The following CERK variants were observed in gnomAD, a reference collection of about 807,000 sequenced individuals.
CERK encodes the protein ceramide kinase.
In CERK, 39 loss-of-function variants were observed where a neutral mutation model predicts 63.4. The observed-to-expected ratio is 0.61, with a 90% confidence interval of 0.48 to 0.80. CERK has a LOEUF of 0.80. Ranked by LOEUF, CERK falls within the 30% of genes least tolerant of loss-of-function variation. CERK has a pLI of 0.00. For missense variants in CERK, 670 were observed against 714.1 expected (o/e 0.94, Z 0.70); for synonymous variants, 302 against 280.0 (o/e 1.08, Z -0.78).
chr22:46,727,449 C>CTTTCTTTT (rs1555989230), intron 1 of CERK, among the ~76,000 whole-genome samples: 1 of 61,824 alleles, frequency 1.6e-5, no homozygotes, highest in East Asian at 9.6e-4. Context: ...CCAGCTGTTT[C>CTTTCTTTT]TTTTTTTTTT....
At chr22:46,695,519 T>G (rs1377125632) in intron 8 of CERK, among the ~76,000 whole-genome samples, 1 of 152,252 alleles carries the variant, frequency 6.6e-6, no homozygotes, top group Admixed American at 6.5e-5. Context: ...ACAGCACGTC[T>G]AGTCATAGTG....
Position 46,691,557 on chromosome 22 carries a change from G to A in CERK, c.1332+15C>T, listed in dbSNP as rs1260905637. On this transcript the variant is annotated intron_variant, in intron 11 of 12. Transcript: ENST00000216264. ...ACTCGCCAGTGGAGGCTCCATGCAAGAGCACCCCACTTACCTGGTCCTGCT... is the reference window on the plus strand; with the variant it reads ...ACTCGCCAGTGGAGGCTCCATGCAAAAGCACCCCACTTACCTGGTCCTGCT... 6.2e-7 allele frequency: 1 copy of A among 1,608,408 alleles called. No individual in the cohort carries two copies. Among genetic ancestry groups the A allele is most frequent in the African/African-American group, 1.3e-5 (1 of 74,908 alleles).
chr22:46,700,128 G>A (rs1014834522), intron 7 of CERK, among the ~76,000 whole-genome samples: 2 of 152,000 alleles, frequency 1.3e-5, no homozygotes, highest in East Asian at 1.9e-4. Context: ...GGTGGCCCGC[G>A]CCTGTAAGTA....
intron 3 of CERK, among the ~76,000 whole-genome samples, chr22:46,713,508 CAAAAAAAAAAA>C (rs34168827): frequency 2.7e-5 from 2 of 74,292 alleles, no homozygotes; most frequent in Non-Finnish European, 5.1e-5. Flanking sequence ...GACTTCATCT[CAAAAAAAAAAA>C]AAAAAAAAAA....
At chr22:46,708,255 C>T (rs1191487820) in intron 5 of CERK, among the ~76,000 whole-genome samples, 1 of 152,246 alleles carries the variant, frequency 6.6e-6, no homozygotes, top group Admixed American at 6.5e-5. Context: ...CAGAGAATGC[C>T]TGCATGCCTG....
chr22:46,718,996 A>T (rs533832181), intron 3 of CERK, among the ~76,000 whole-genome samples: 1 of 152,190 alleles, frequency 6.6e-6, no homozygotes, highest in South Asian at 2.1e-4. Context: ...TGAGCCCGGA[A>T]GGTAGAGGCT....
chr22:46,738,113 G>A lies in CERK; in HGVS notation c.36C>T (p.Ser12=), dbSNP rs1216865648. The A allele has an allele frequency of 9.5e-6, 12 of 1,260,320 alleles. No individual in the cohort carries two copies. Among genetic ancestry groups the A allele is most frequent in the Non-Finnish European group, 1.2e-5 (12 of 994,888 alleles). The allele number at this position is 1,260,320 out of a possible 1,614,324, so 78.1% of individuals were successfully genotyped here. ...GATGAAEPLQ[S]VLWVKQQRCA... ...AGCGCTGCTGCTTCACCCACAGCACGGATTGCAGCGGCTCCGCCGCCCCCG... is the reference window on the plus strand; with the variant it reads ...AGCGCTGCTGCTTCACCCACAGCACAGATTGCAGCGGCTCCGCCGCCCCCG... Residue 12 remains serine (S), a synonymous_variant, in exon 1 of 13, where the codon TCC becomes TCT. Transcript: ENST00000216264.
chr22:46,729,966 G>A (rs1010516987), intron 1 of CERK, among the ~76,000 whole-genome samples: 4 of 151,930 alleles, frequency 2.6e-5, no homozygotes, highest in Non-Finnish European at 5.9e-5. Context: ...GTGAACCTGG[G>A]AGGCGGAGCT....
intron 1 of CERK, among the ~76,000 whole-genome samples, chr22:46,729,435 G>T (rs1306688626): frequency 6.6e-6 from 1 of 151,946 alleles, no homozygotes; most frequent in Admixed American, 6.6e-5. Flanking sequence ...AAGAGACAGG[G>T]TCTTGCTCTG....
intron 1 of CERK, among the ~76,000 whole-genome samples, chr22:46,730,165 C>A (rs2082938643): frequency 6.6e-6 from 1 of 151,904 alleles, no homozygotes; most frequent in South Asian, 2.1e-4. Flanking sequence ...CGCCTGTAAT[C>A]CTAGCACTTT....
intron 1 of CERK, among the ~76,000 whole-genome samples, chr22:46,727,548 G>A (rs2082925277): frequency 6.6e-6 from 1 of 151,222 alleles, no homozygotes; most frequent in South Asian, 2.1e-4. Context: ...CATCCACTCA[G>A]CCTCCCAAAG....
intron 12 of CERK, among the ~76,000 whole-genome samples, chr22:46,687,650 C>T (rs566078450): frequency 4.8e-4 from 71 of 148,580 alleles, no homozygotes; most frequent in African/African-American, 1.6e-3. Context: ...CTGTGCGGGG[C>T]GACTCAATGC....
At chr22:46,692,291 C>T (rs1002142973) in intron 10 of CERK, among the ~76,000 whole-genome samples, 5 of 151,564 alleles carry the variant, frequency 3.3e-5, no homozygotes, top group Non-Finnish European at 7.4e-5. Context: ...CCAGGCGTGG[C>T]GGTGCATGCC....
intron 1 of CERK, among the ~76,000 whole-genome samples, chr22:46,727,085 A>G (rs1158269988): frequency 6.6e-6 from 1 of 151,990 alleles, no homozygotes; most frequent in Non-Finnish European, 1.5e-5. Flanking sequence ...TAGCCCAAAG[A>G]CCTCTGCTCT....
Position 46,696,413 on chromosome 22 carries a change from C to T in CERK, c.944-1098G>A, listed in dbSNP as rs894224213. On this transcript the variant is annotated intron_variant, in intron 8 of 12. Transcript: ENST00000216264. ...CGTGTCCACGGCCCTGGGAGGAGGCCGACCCACTGGTCAGCAACCTTCCAA... is the reference window on the plus strand; with the variant it reads ...CGTGTCCACGGCCCTGGGAGGAGGCTGACCCACTGGTCAGCAACCTTCCAA... Among the ~76,000 whole-genome samples, 9 of 152,112 alleles carry T rather than the reference C, an allele frequency of 5.9e-5. No individual in the cohort carries two copies. In the East Asian group the frequency reaches 7.8e-4, roughly 13 times the overall value.
chr22:46,737,550 C>A (rs2146603214), intron 1 of CERK, among the ~76,000 whole-genome samples: 1 of 152,354 alleles, frequency 6.6e-6, no homozygotes, highest in African/African-American at 2.4e-5. Context: ...GAAGTCCTCA[C>A]CCTGCAAGGG....
At chr22:46,712,847 C>T (rs943716614) in intron 3 of CERK, among the ~76,000 whole-genome samples, 2 of 125,714 alleles carry the variant, frequency 1.6e-5, no homozygotes, top group Non-Finnish European at 3.4e-5. Context: ...CTTTTCTTTT[C>T]TTTTTTTTTT....
At chr22:46,708,060 C>T in intron 5 of CERK, 72 bp from the exon 6 acceptor site, 1 of 1,482,452 alleles carries the variant, frequency 6.7e-7, no homozygotes, top group Non-Finnish European at 9.0e-7. Flanking sequence ...CTGAGGCTTC[C>T]AGCTTCAGGA....
At chr22:46,727,955 G>T (rs1012559931) in intron 1 of CERK, among the ~76,000 whole-genome samples, 1 of 152,152 alleles carries the variant, frequency 6.6e-6, no homozygotes, top group Non-Finnish European at 1.5e-5. Context: ...GCATGTGGAC[G>T]GGCATGTCAC....
Sources: allele counts gnomAD v4.1 joint callset (sites outside exome capture counted in the v4.1 genomes callset), GRCh38; gene constraint gnomAD v4.1.1; transcripts MANE v1.5; gene names NCBI Gene and HGNC (gene_info 2026-07-23, HGNC 2026-07-21).